RYR3: variants seen among roughly 807,000 people sequenced by gnomAD.
The protein encoded by RYR3 is brain ryanodine receptor-calcium release channel.
RYR3 carries 207 observed loss-of-function variants against 584.3 expected under a neutral mutation model. The ratio of observed to expected loss-of-function variants is 0.35; its 90% CI spans 0.32 to 0.40. RYR3 has a LOEUF of 0.40. RYR3 is among the 10% of genes least tolerant of loss of function. The pLI is 1.00. For synonymous variants in RYR3, 2,416 were observed against 2,248.5 expected (o/e 1.07, Z -2.11); for missense variants, 5,616 against 6,089.2 (o/e 0.92, Z 2.59).
chr15:33,660,269 C>T lies in RYR3; in HGVS notation c.4468C>T (p.Leu1490=), dbSNP rs74005937. ...KNPVPQCPPR[L]DVQTIQPVLW... is the part of the protein sequence containing the mutation. ...CCCAGTCCCACAGTGTCCACCTCGG[C>T]TGGACGTCCAAACCATCCAGCCCGT... Residue 1490 remains leucine (L), a synonymous_variant, in exon 34 of 104, where the codon CTG becomes TTG. Transcript: ENST00000634891. 815 of 1,557,160 alleles carry T rather than the reference C, an allele frequency of 5.2e-4. 7 individuals carry two copies. In the African/African-American group the frequency reaches 0.01, roughly 19 times the overall value.
intron 1 of RYR3, among the ~76,000 whole-genome samples, chr15:33,447,077 C>T (rs917821788): frequency 3.3e-5 from 5 of 152,144 alleles, no homozygotes; most frequent in African/African-American, 7.2e-5. Flanking sequence ...GGCCAAAGGC[C>T]GTTTTCAACT....
intron 1 of RYR3, among the ~76,000 whole-genome samples, chr15:33,343,500 G>A (rs137965216): frequency 7.2e-5 from 11 of 152,030 alleles, no homozygotes; most frequent in East Asian, 1.9e-4. Flanking sequence ...CCCATCCCCC[G>A]CAGTTTGATT....
At chr15:33,665,696 G>A (rs1276380617) in intron 36 of RYR3, among the ~76,000 whole-genome samples, 1 of 152,236 alleles carries the variant, frequency 6.6e-6, no homozygotes, top group African/African-American at 2.4e-5. Flanking sequence ...CAGTCTAAAA[G>A]CAGCTTGACA....
chr15:33,808,958 G>A (rs1383053604), intron 70 of RYR3, among the ~76,000 whole-genome samples: 3 of 152,252 alleles, frequency 2.0e-5, no homozygotes, highest in East Asian at 1.9e-4. Context: ...TGCTGGCCAG[G>A]GATTTTGCTG....
In RYR3 at chr15:33,310,987, C is replaced by T; in HGVS notation, c.-59C>T. The stretch of plus-strand genomic sequence containing the variant: ...GCAGCAGCAGTCAGCGCACGCCGAG[C>T]GGCTGCCGGGGGAAGCAGAGGCGCC... On this transcript the variant is annotated 5_prime_UTR_variant, in exon 1 of 104. Coordinates refer to ENST00000634891, the MANE Select transcript of RYR3 (RefSeq NM_001036.6). 6.5e-6 allele frequency: 9 copies of T among 1,376,794 alleles called. No individual in the cohort carries two copies. Among genetic ancestry groups the T allele is most frequent in the South Asian group, 2.5e-5 (2 of 78,944 alleles). 85.3% of individuals were successfully genotyped at this position (1,376,794 alleles called of 1,614,324 possible).
intron 1 of RYR3, among the ~76,000 whole-genome samples, chr15:33,336,548 GGGAAGGAA>G (rs371640252): frequency 1.9e-5 from 1 of 53,760 alleles, no homozygotes; most frequent in East Asian, 3.9e-4. Context: ...GAGGGAAGGA[GGGAAGGAA>G]GGAAGAAAAA....
chr15:33,813,525 G>A lies in RYR3; in HGVS notation c.10448G>A (p.Arg3483Gln), dbSNP rs763289467. ...AVWHKLLSKQ[R>Q]KRAVVACFRM... ...TGGCACAAACTGTTATCAAAGCAAC[G>A]GAAACGGGCAGTGGTGGCCTGTTTC... is the stretch of plus-strand genomic sequence containing the variant. Residue 3483 changes from arginine to glutamine, a missense_variant, in exon 74 of 104, where the codon CGG (arginine) becomes CAG (glutamine). By Grantham distance (43) the Arg-to-Gln change is conservative. Coordinates refer to ENST00000634891, the MANE Select transcript of RYR3 (RefSeq NM_001036.6). 9 of 1,613,968 alleles carry A rather than the reference G, an allele frequency of 5.6e-6. No homozygotes were observed. The highest frequency in any genetic ancestry group is 1.3e-5 in the African/African-American group (1 of 75,060).
chr15:33,767,323 A>AC (rs970228632), intron 60 of RYR3, among the ~76,000 whole-genome samples: 13 of 151,596 alleles, frequency 8.6e-5, no homozygotes, highest in African/African-American at 3.2e-4. Flanking sequence ...TCTCTGAAAA[A>AC]AAAACCATGG....
rs1595947727 is a variant in RYR3 at position 33,644,524 on chromosome 15, T to C, written c.3765+5T>C. The C allele has an allele frequency of 6.2e-7, 1 of 1,609,570 alleles. No individual in the cohort carries two copies. The highest frequency in any genetic ancestry group is 8.5e-7 in the Non-Finnish European group (1 of 1,176,404). On this transcript the variant is annotated splice_donor_5th_base_variant and intron_variant, in intron 28 of 103. Coordinates refer to ENST00000634891, the MANE Select transcript of RYR3 (RefSeq NM_001036.6). The stretch of plus-strand genomic sequence containing the variant: ...AAGGATCATCCACACATAGAGGTAA[T>C]GTTACACAATGTGTGTGGCCCTGGC...
At chr15:33,465,278 T>A (rs2048391309) in intron 1 of RYR3, among the ~76,000 whole-genome samples, 1 of 152,222 alleles carries the variant, frequency 6.6e-6, no homozygotes, top group Non-Finnish European at 1.5e-5. Flanking sequence ...TATATCTATA[T>A]CTATCGATAG....
chr15:33,436,518 T>TTTA (rs2045741942), intron 1 of RYR3, among the ~76,000 whole-genome samples: 1 of 149,696 alleles, frequency 6.7e-6, no homozygotes, highest in Non-Finnish European at 1.5e-5. Flanking sequence ...TTTTTTTTTT[T>TTTA]GAGATGGAGT....
At chr15:33,378,525 G>A (rs1306810243) in intron 1 of RYR3, among the ~76,000 whole-genome samples, 5 of 152,172 alleles carry the variant, frequency 3.3e-5, no homozygotes, top group Non-Finnish European at 7.3e-5. Context: ...TTGCAATGAC[G>A]GCCAACGAAA....
At chr15:33,481,073 C>T (rs1596316927) in intron 2 of RYR3, among the ~76,000 whole-genome samples, 1 of 152,210 alleles carries the variant, frequency 6.6e-6, no homozygotes, top group East Asian at 1.9e-4. Context: ...ATCAAATTGT[C>T]CTATTTGTCC....
intron 23 of RYR3, among the ~76,000 whole-genome samples, chr15:33,631,986 A>G (rs1330606017): frequency 2.0e-5 from 3 of 152,250 alleles, no homozygotes; most frequent in Admixed American, 6.5e-5. Context: ...AGTACCAAGA[A>G]AAGCACATCT....
At chr15:33,322,877 A>G (rs1476632423) in intron 1 of RYR3, among the ~76,000 whole-genome samples, 1 of 151,400 alleles carries the variant, frequency 6.6e-6, no homozygotes, top group Admixed American at 6.6e-5. Flanking sequence ...ACTCTTGTCT[A>G]CCTTATTGTA....
At chr15:33,458,374 T>A (rs1172961220) in intron 1 of RYR3, among the ~76,000 whole-genome samples, 2 of 152,170 alleles carry the variant, frequency 1.3e-5, no homozygotes, top group Non-Finnish European at 2.9e-5. Flanking sequence ...CCTTGGACCT[T>A]GTTGCTCCTG....
intron 1 of RYR3, among the ~76,000 whole-genome samples, chr15:33,434,087 T>C (rs1011412806): frequency 1.3e-5 from 2 of 152,210 alleles, no homozygotes; most frequent in Admixed American, 6.5e-5. Context: ...GTTGACATTT[T>C]GTTGGGATGT....
At chr15:33,460,191 G>C (rs2047902974) in intron 1 of RYR3, among the ~76,000 whole-genome samples, 1 of 152,250 alleles carries the variant, frequency 6.6e-6, no homozygotes. Flanking sequence ...CCCTGGGCTT[G>C]AAGCTGTGTT....
chr15:33,514,728 G>A (rs538600104), intron 3 of RYR3, among the ~76,000 whole-genome samples: 52 of 152,060 alleles, frequency 3.4e-4, no homozygotes, highest in African/African-American at 1.1e-3. Context: ...TTGGCCAGGA[G>A]CGGTGGCTCA....
Sources: gnomAD v4.1 joint callset for allele counts (sites outside exome capture counted in the v4.1 genomes callset) on GRCh38, gnomAD v4.1.1 for gene constraint, MANE v1.5 for transcripts, NCBI Gene and HGNC (gene_info 2026-07-23, HGNC 2026-07-21) for gene names.